IL17RD: variants seen among roughly 807,000 people sequenced by gnomAD.
The protein encoded by IL17RD is interleukin-17 receptor D.
IL17RD carries 52 observed loss-of-function variants against 80.5 expected under a neutral mutation model. That is an observed-to-expected ratio of 0.65 (90% CI 0.52 to 0.81). IL17RD has a LOEUF of 0.81. IL17RD is among the 40% of genes least tolerant of loss of function. The pLI, the probability that IL17RD is intolerant of heterozygous loss-of-function variation, is 0.00. For synonymous variants in IL17RD, 416 were observed against 391.8 expected (o/e 1.06, Z -0.73); for missense variants, 1,024 against 955.1 (o/e 1.07, Z -0.95).
intron 1 of IL17RD, among the ~76,000 whole-genome samples, chr3:57,147,944 C>A (rs1040876818): frequency 1.3e-5 from 2 of 152,108 alleles, no homozygotes; most frequent in Non-Finnish European, 2.9e-5. Flanking sequence ...AAAGGCAACA[C>A]AAGGAAACTC....
upstream of IL17RD, chr3:57,169,108 G>A (rs1265489377): frequency 5.0e-6 from 2 of 401,188 alleles, no homozygotes; most frequent in Non-Finnish European, 1.0e-5. Flanking sequence ...CTAAAATGAG[G>A]GGACCAGGCC....
At chr3:57,115,599 G>A (rs1050994516) in intron 2 of IL17RD, among the ~76,000 whole-genome samples, 2 of 152,160 alleles carry the variant, frequency 1.3e-5, no homozygotes, top group Non-Finnish European at 2.9e-5. Flanking sequence ...TTCCTAAAAA[G>A]CTGCCAAAAC....
Position 57,121,816 on chromosome 3 carries a change from C to T in IL17RD, c.127-1503G>A, listed in dbSNP as rs116753784. The stretch of plus-strand genomic sequence containing the variant: ...GGTAGGAGACCAGGAACGAGACAAT[C>T]CAATCCCCCAAGACCAAAGCCCAAG... On this transcript the variant is annotated intron_variant, in intron 1 of 12. Transcript: ENST00000296318. Among the ~76,000 whole-genome samples the T allele has an allele frequency of 9.5e-3, 1,453 of 152,252 alleles. 13 individuals carry two copies. The highest frequency in any genetic ancestry group is 0.015 in the Non-Finnish European group (1,038 of 68,016).
chr3:57,109,875 G>T (rs535244467), intron 4 of IL17RD, among the ~76,000 whole-genome samples: 3 of 152,346 alleles, frequency 2.0e-5, no homozygotes, highest in South Asian at 4.1e-4. Context: ...TTTTGGCAAA[G>T]AACCCATGGC....
chr3:57,159,703 G>A (rs566938022), intron 1 of IL17RD, among the ~76,000 whole-genome samples: 1 of 152,358 alleles, frequency 6.6e-6, no homozygotes, highest in South Asian at 2.1e-4. Flanking sequence ...AATGGAAAAG[G>A]TCTGGCTGCC....
chr3:57,119,920 T>C (rs1209008555), intron 2 of IL17RD, among the ~76,000 whole-genome samples: 1 of 152,218 alleles, frequency 6.6e-6, no homozygotes, highest in Non-Finnish European at 1.5e-5. Flanking sequence ...CACCATTCCC[T>C]AGCACCCTGC....
At chr3:57,098,937 G>A (rs968304085) in intron 11 of IL17RD, among the ~76,000 whole-genome samples, 9 of 152,218 alleles carry the variant, frequency 5.9e-5, no homozygotes, top group African/African-American at 2.2e-4. Flanking sequence ...GGTGAGTGAG[G>A]TGCCTAGATT....
At chr3:57,124,401 G>A (rs1017784859) in intron 1 of IL17RD, among the ~76,000 whole-genome samples, 1 of 152,126 alleles carries the variant, frequency 6.6e-6, no homozygotes, top group Non-Finnish European at 1.5e-5. Flanking sequence ...ATCCAAGTGG[G>A]CCCAATAACC....
intron 1 of IL17RD, among the ~76,000 whole-genome samples, chr3:57,163,175 C>A (rs1246984423): frequency 6.6e-6 from 1 of 152,136 alleles, no homozygotes; most frequent in East Asian, 1.9e-4. Flanking sequence ...CCTGGATGAG[C>A]CTGGAATCTG....
In IL17RD at chr3:57,110,327, T is replaced by A. The variant is rs199736396; in HGVS notation, c.311-16A>T. The A allele has an allele frequency of 1.9e-6, 3 of 1,572,628 alleles. No homozygotes were observed. The East Asian group carries it at 6.9e-5, about 36-fold the overall frequency. On this transcript the variant is annotated splice_polypyrimidine_tract_variant and intron_variant, in intron 3 of 12. Transcript: ENST00000296318. ...AATTCGATGCCTAAGCAAAGCAGAA[T>A]GCTTTTATTAATAGTGAACCTAATT...
At chr3:57,101,460 G>GTC (rs1489150423) in intron 10 of IL17RD, 97 bp from the exon 11 acceptor site, 1 of 777,640 alleles carries the variant, frequency 1.3e-6, no homozygotes, top group Admixed American at 2.6e-5. Context: ...GAAAGAACAC[G>GTC]TCTACCTAGA....
At chr3:57,138,381 G>A (rs1439223860) in intron 1 of IL17RD, among the ~76,000 whole-genome samples, 1 of 152,184 alleles carries the variant, frequency 6.6e-6, no homozygotes, top group Non-Finnish European at 1.5e-5. Flanking sequence ...GGCCACATAT[G>A]CAGGAAGAAC....
intron 1 of IL17RD, among the ~76,000 whole-genome samples, chr3:57,156,409 T>TA (rs2107542584): frequency 6.6e-6 from 1 of 151,896 alleles, no homozygotes; most frequent in East Asian, 1.9e-4. Flanking sequence ...ACAAAAAATG[T>TA]AAAAAATTAG....
chr3:57,127,315 AAAAT>A lies in IL17RD; in HGVS notation c.127-7006_127-7003del, dbSNP rs1707500432. ...ATATAAATATATATAAAAATATATA[AAAAT>A]ATATATAAATATATATAAAAATATA... On this transcript the variant is annotated intron_variant, in intron 1 of 12. Transcript: ENST00000296318. Among the ~76,000 whole-genome samples, 23 of 81,252 alleles carry A rather than the reference AAAAT, an allele frequency of 2.8e-4. 1 individual carries two copies. The highest frequency in any genetic ancestry group is 2.1e-3 in the South Asian group (6 of 2,872). The allele number at this position is 81,252 out of a possible 152,430, so 53.3% of individuals were successfully genotyped here.
chr3:57,164,206 A>G (rs1225689193), intron 1 of IL17RD, among the ~76,000 whole-genome samples: 1 of 152,178 alleles, frequency 6.6e-6, no homozygotes, highest in African/African-American at 2.4e-5. Context: ...TTTCTCCACA[A>G]GCTTAAGGCC....
chr3:57,125,597 T>G (rs1392235893), intron 1 of IL17RD, among the ~76,000 whole-genome samples: 1 of 152,008 alleles, frequency 6.6e-6, no homozygotes, highest in Admixed American at 6.6e-5. Context: ...AAAGAGATAA[T>G]GAGGAAGACT....
At chr3:57,138,576 T>C (rs1707771641) in intron 1 of IL17RD, among the ~76,000 whole-genome samples, 1 of 151,924 alleles carries the variant, frequency 6.6e-6, no homozygotes, top group African/African-American at 2.4e-5. Context: ...GATGATGAAA[T>C]ATTCAAAGGT....
At chr3:57,165,054 C>T (rs1447815850) in intron 1 of IL17RD, 107 bp downstream of exon 1, 1 of 1,360,150 alleles carries the variant, frequency 7.4e-7, no homozygotes, top group Non-Finnish European at 9.4e-7. Context: ...CCGCGGACCC[C>T]GCGAAGAGCA....
At chr3:57,107,660 G>A (rs1706995490) in intron 5 of IL17RD, among the ~76,000 whole-genome samples, 1 of 152,218 alleles carries the variant, frequency 6.6e-6, no homozygotes, top group Non-Finnish European at 1.5e-5. Context: ...AGCAACTCAG[G>A]AAGATTAAAG....
Sources: allele counts gnomAD v4.1 joint callset (sites outside exome capture counted in the v4.1 genomes callset), GRCh38; gene constraint gnomAD v4.1.1; transcripts MANE v1.5; gene names NCBI Gene and HGNC (gene_info 2026-07-23, HGNC 2026-07-21).